The following SELENOS variants were observed in gnomAD, a reference collection of about 807,000 sequenced individuals.
SELENOS encodes the protein VCP interacting membrane selenoprotein.
SELENOS carries 37 observed loss-of-function variants against 30.2 expected under a neutral mutation model. The observed-to-expected ratio is 1.23, with a 90% CI of 0.94 to 1.61. SELENOS has a LOEUF of 1.61. Among genes scored for constraint, SELENOS ranks in the 40% most tolerant of loss-of-function variants. The pLI is 0.00. For synonymous variants in SELENOS, 119 were observed against 91.6 expected (o/e 1.30, Z -1.71); for missense variants, 289 against 231.8 (o/e 1.25, Z -1.60).
rs566724578 is a variant in SELENOS at position 101,277,419 on chromosome 15, ACCGCCGCCGCCG to A, written c.-14_-3del. ...CAGAGACTCCTCTTGGCGTTCCATG[ACCGCCGCCGCCG>A]CCGCCGCCCAGCCCTGCCGCCGCGC... On this transcript the variant is annotated 5_prime_UTR_variant, in exon 1 of 6. Coordinates refer to ENST00000526049, the MANE Select transcript of SELENOS (RefSeq NM_018445.6). 5.6e-5 allele frequency: 83 copies of A among 1,470,278 alleles called. No individual in the cohort carries two copies. Among genetic ancestry groups the A allele is most frequent in the Non-Finnish European group, 7.2e-5 (81 of 1,118,416 alleles). 91.1% of individuals were successfully genotyped at this position (1,470,278 alleles called of 1,614,324 possible).
chr15:101,277,042 C>T (rs1365677955), intron 1 of SELENOS: 1 of 593,768 alleles, frequency 1.7e-6, no homozygotes, highest in Non-Finnish European at 3.0e-6. Context: ...CTGTGTGGGA[C>T]GGGTCCCAGA....
intron 2 of SELENOS, among the ~76,000 whole-genome samples, chr15:101,275,568 G>A (rs116427791): frequency 3.3e-5 from 5 of 152,064 alleles, no homozygotes; most frequent in African/African-American, 7.2e-5. Context: ...ATTTTAGCCC[G>A]AAATATCTAC....
intron 1 of SELENOS, 45 bp downstream of exon 1, chr15:101,277,297 T>A: frequency 1.3e-6 from 2 of 1,510,602 alleles, no homozygotes; most frequent in Non-Finnish European, 1.8e-6. Flanking sequence ...TGGCTGCGCG[T>A]CGCAAAAGTG....
At chr15:101,276,401 G>A (rs2039327154) in intron 2 of SELENOS, 140 bp downstream of exon 2, 2 of 1,197,770 alleles carry the variant, frequency 1.7e-6, no homozygotes, top group African/African-American at 1.6e-5. Flanking sequence ...GGTGCGTGCC[G>A]CCACTCCCGG....
downstream of SELENOS, chr15:101,270,961 C>G (rs74041951): frequency 6.6e-6 from 1 of 152,094 alleles, no homozygotes; most frequent in South Asian, 2.1e-4. Context: ...CACTGTTTCT[C>G]CCCATGGAAA....
At chr15:101,277,204 G>A (rs1376337780) in intron 1 of SELENOS, 138 bp downstream of exon 1, 6 of 1,405,460 alleles carry the variant, frequency 4.3e-6, no homozygotes, top group Non-Finnish European at 5.8e-6. Context: ...GCTGCCCAAG[G>A]TCCGCGTAAG....
At position 101,277,044 on chromosome 15, in the gene SELENOS, G is replaced by A. The variant is rs1351109471; in HGVS notation, c.76+298C>T. 6 of 599,750 alleles carry A rather than the reference G, an allele frequency of 1.0e-5. No individual in the cohort carries two copies. The Admixed American group carries it at 1.3e-4, about 13-fold the overall frequency. The allele number at this position is 599,750 out of a possible 1,614,324, so 37.2% of individuals were successfully genotyped here. On this transcript the variant is annotated intron_variant, in intron 1 of 5. Coordinates refer to ENST00000526049, the MANE Select transcript of SELENOS (RefSeq NM_018445.6). ...AGTGTGTATGGGGCTGTGTGGGACGGGTCCCAGAGGCAAACGCCAACGGCC... is the reference window on the plus strand; with the variant it reads ...AGTGTGTATGGGGCTGTGTGGGACGAGTCCCAGAGGCAAACGCCAACGGCC...
chr15:101,277,184 G>A lies in SELENOS; in HGVS notation c.76+158C>T, dbSNP rs924045200. On this transcript the variant is annotated intron_variant, in intron 1 of 5. Transcript: ENST00000526049. ...GGCTCCCGAGAAGCCTCCGCGCAAG[G>A]TCCGGGCCTGCTGCCCAAGGTCCGC... The A allele has an allele frequency of 6.5e-5, 82 of 1,268,072 alleles. No individual in the cohort carries two copies. The Admixed American group carries it at 1.1e-3, about 17-fold the overall frequency. 78.6% of individuals were successfully genotyped at this position (1,268,072 alleles called of 1,614,324 possible). A position where few individuals can be genotyped will look rare whatever the true frequency, so the allele number is the denominator to read the frequency against.
intron 1 of SELENOS, 177 bp from the exon 2 acceptor site, chr15:101,276,852 G>C: frequency 1.4e-6 from 1 of 705,696 alleles, no homozygotes; most frequent in Non-Finnish European, 2.3e-6. Flanking sequence ...GACAATTCAG[G>C]GATCACTGAG....
At position 101,276,536 on chromosome 15, in the gene SELENOS, C is replaced by G. The variant is rs1567120075; in HGVS notation, c.211+5G>C. ...CCGCTTTCATTTCGGTTATCAGGCACTAACCCACAGCAGCCGCAGCTCGGT... is the reference window on the plus strand; with the variant it reads ...CCGCTTTCATTTCGGTTATCAGGCAGTAACCCACAGCAGCCGCAGCTCGGT... On this transcript the variant is annotated splice_donor_5th_base_variant and intron_variant, in intron 2 of 5. Transcript: ENST00000526049. The G allele has an allele frequency of 6.3e-7, 1 of 1,599,074 alleles. No individual in the cohort carries two copies. Among genetic ancestry groups the G allele is most frequent in the Non-Finnish European group, 8.5e-7 (1 of 1,175,212 alleles).
intron 3 of SELENOS, chr15:101,274,946 A>T: frequency 1.7e-6 from 1 of 579,476 alleles, no homozygotes; most frequent in South Asian, 2.2e-5. Context: ...TCCTGTCAGG[A>T]CATTTTTGGT....
chr15:101,272,926 C>A lies in SELENOS; in HGVS notation c.485-70G>T, dbSNP rs79949473. On this transcript the variant is annotated intron_variant, in intron 5 of 5. Coordinates refer to ENST00000526049, the MANE Select transcript of SELENOS (RefSeq NM_018445.6). ...AAAATCTGGGAACATTGTATATCCA[C>A]AATAAAATTATGAGAGTGACACGCA... 1.7e-3 allele frequency: 2,323 copies of A among 1,379,818 alleles called. 32 individuals are homozygous for A. In the African/African-American group the frequency reaches 0.027, roughly 16 times the overall value. The allele number at this position is 1,379,818 out of a possible 1,614,324, so 85.5% of individuals were successfully genotyped here.
intron 4 of SELENOS, 40 bp from the exon 5 acceptor site, chr15:101,274,535 C>T (rs2039302215): frequency 1.9e-6 from 3 of 1,607,704 alleles, no homozygotes; most frequent in African/African-American, 2.7e-5. Flanking sequence ...GCAATTAAAA[C>T]ATTCTACTTG....
At chr15:101,275,051 T>C (rs1164138752) in intron 3 of SELENOS, 2 of 576,358 alleles carry the variant, frequency 3.5e-6, no homozygotes, top group African/African-American at 1.9e-5. Context: ...CATGGTAATA[T>C]ATTCACACAT....
intron 5 of SELENOS, 117 bp from the exon 6 acceptor site, chr15:101,272,973 C>T (rs1596464815): frequency 1.8e-5 from 15 of 842,960 alleles, no homozygotes; most frequent in South Asian, 1.7e-4. Flanking sequence ...AGATACAGAT[C>T]CTAAGGGACA....
chr15:101,275,957 T>C (rs2009892), intron 2 of SELENOS, among the ~76,000 whole-genome samples: 18,287 of 150,062 alleles, frequency 0.12, 3,562 homozygotes, highest in African/African-American at 0.42. Context: ...AGTCTCACTC[T>C]GTTGCCCAGG....
intron 5 of SELENOS, 131 bp downstream of exon 5, chr15:101,274,289 A>T (rs1347697236): frequency 1.6e-5 from 17 of 1,070,598 alleles, no homozygotes; most frequent in Non-Finnish European, 2.2e-5. Flanking sequence ...TGTTTCCTTT[A>T]TTGAATCTTC....
rs765409428 is a variant in SELENOS, at chr15:101,277,405, C to T, written c.13G>A (p.Glu5Lys). 2 of 1,489,848 alleles carry T rather than the reference C, an allele frequency of 1.3e-6. No individual in the cohort carries two copies. The highest frequency in any genetic ancestry group is 8.9e-7 in the Non-Finnish European group (1 of 1,127,558). The allele number at this position is 1,489,848 out of a possible 1,614,324, so 92.3% of individuals were successfully genotyped here. ...GCCGGCCGCGCGGACAGAGACTCCTCTTGGCGTTCCATGACCGCCGCCGCC... is the reference window on the plus strand; with the variant it reads ...GCCGGCCGCGCGGACAGAGACTCCTTTTGGCGTTCCATGACCGCCGCCGCC... MERQ[E>K]ESLSARPALE... The change falls in exon 1 of 6, where the codon GAG becomes AAG. Residue 5 changes from glutamate to lysine, a missense_variant. Transcript: ENST00000526049.
chr15:101,277,178 C>T (rs1034678919), intron 1 of SELENOS, 164 bp downstream of exon 1: 1 of 1,227,532 alleles, frequency 8.1e-7, no homozygotes, highest in Non-Finnish European at 1.2e-6. Context: ...GAAGCCTCCG[C>T]GCAAGGTCCG....
Sources: allele counts gnomAD v4.1 joint callset (sites outside exome capture counted in the v4.1 genomes callset), GRCh38; gene constraint gnomAD v4.1.1; transcripts MANE v1.5; gene names NCBI Gene and HGNC (gene_info 2026-07-23, HGNC 2026-07-21).